PSEN1: variants seen among roughly 807,000 people sequenced by gnomAD.
PSEN1 encodes presenilin 1.
Under a neutral mutation model 53.5 loss-of-function variants are expected in PSEN1, and 15 were observed. The observed-to-expected ratio is 0.28, with a 90% CI of 0.19 to 0.43. The LOEUF (loss-of-function observed/expected upper bound fraction) is 0.43. Among genes scored for constraint, PSEN1 ranks in the 20% least tolerant of loss-of-function variants. PSEN1 has a pLI of 1.00. For missense variants in PSEN1, 387 were observed against 571.2 expected, an observed-to-expected ratio of 0.68 and a Z score of 3.29; for synonymous variants, 208 against 209.8, an observed-to-expected ratio of 0.99 and a Z score of 0.08.
chr14:73,200,472 G>C (rs935940949), intron 8 of PSEN1, among the ~76,000 whole-genome samples: 3 of 152,076 alleles, frequency 2.0e-5, no homozygotes, highest in Non-Finnish European at 2.9e-5. Context: ...ATTTCACCAC[G>C]TTGGCCAGGC....
chr14:73,215,707 A>G (rs1899885580), intron 10 of PSEN1, among the ~76,000 whole-genome samples: 1 of 152,176 alleles, frequency 6.6e-6, no homozygotes, highest in African/African-American at 2.4e-5. Context: ...TAGACATTCT[A>G]CCAAAAGAGA....
chr14:73,163,233 T>C (rs1897610150), intron 3 of PSEN1, among the ~76,000 whole-genome samples: 1 of 152,224 alleles, frequency 6.6e-6, no homozygotes, highest in East Asian at 1.9e-4. Context: ...ACCTACATGG[T>C]GCTTCATTTT....
rs549059248 is a variant in PSEN1 at position 73,196,802 on chromosome 14, A to G, written c.770-1229A>G. On this transcript the variant is annotated intron_variant, in intron 7 of 11. Transcript: ENST00000324501. ...ACATGAAATTTTTAAATGTAAATGC[A>G]TTTAAGTGACAATAATGTGAATACA... Among the ~76,000 whole-genome samples the G allele has an allele frequency of 9.9e-5, 15 of 152,202 alleles. No homozygotes were observed. In the South Asian group the frequency reaches 3.1e-3, roughly 32 times the overall value.
At chr14:73,205,394 G>A (rs943763949) in intron 8 of PSEN1, among the ~76,000 whole-genome samples, 1 of 151,398 alleles carries the variant, frequency 6.6e-6, no homozygotes, top group Non-Finnish European at 1.5e-5. Flanking sequence ...CAGGAGAATG[G>A]CGTGAACCCA....
intron 11 of PSEN1, 79 bp downstream of exon 11, chr14:73,217,323 G>C (rs774025917): frequency 6.5e-7 from 1 of 1,541,680 alleles, no homozygotes; most frequent in African/African-American, 1.4e-5. Context: ...AGGCAGTTCT[G>C]TTTTAACCCC....
intron 3 of PSEN1, among the ~76,000 whole-genome samples, chr14:73,152,759 T>C (rs995548728): frequency 6.6e-6 from 1 of 150,932 alleles, no homozygotes; most frequent in African/African-American, 2.4e-5. Flanking sequence ...AAAAGAAATA[T>C]TCGCTGGGCA....
At chr14:73,146,772 GA>G in intron 1 of PSEN1, among the ~76,000 whole-genome samples, 2 of 152,318 alleles carry the variant, frequency 1.3e-5, no homozygotes. Context: ...AGGACATTGA[GA>G]AAATTTTTTT....
intron 5 of PSEN1, among the ~76,000 whole-genome samples, chr14:73,183,563 A>G (rs947179990): frequency 2.5e-4 from 38 of 152,322 alleles, no homozygotes; most frequent in African/African-American, 8.7e-4. Context: ...CCCTTAATCC[A>G]TTCAACCCTG....
intron 7 of PSEN1, chr14:73,197,635 C>A: frequency 5.0e-6 from 1 of 200,128 alleles, no homozygotes; most frequent in Non-Finnish European, 1.0e-5. Flanking sequence ...AGTTCATATC[C>A]GTGATTAGTT....
chr14:73,197,951 C>T (rs933685375), intron 7 of PSEN1, 80 bp from the exon 8 acceptor site: 11 of 757,426 alleles, frequency 1.5e-5, no homozygotes, highest in Admixed American at 8.4e-5. Flanking sequence ...TTTTTTCCTT[C>T]GTTAATTCCT....
intron 3 of PSEN1, among the ~76,000 whole-genome samples, chr14:73,153,736 G>A (rs1016138639): frequency 2.5e-4 from 33 of 134,004 alleles, no homozygotes; most frequent in African/African-American, 8.5e-4. Context: ...TTTTTGAAAC[G>A]GAGCCTCCCT....
chr14:73,138,319 C>T (rs898129402), intron 1 of PSEN1, among the ~76,000 whole-genome samples: 5 of 151,486 alleles, frequency 3.3e-5, no homozygotes, highest in African/African-American at 7.3e-5. Flanking sequence ...CCCGGGTTCA[C>T]GCCATTCTCC....
rs199680675 is a variant in PSEN1, at chr14:73,136,528, C to T, written c.-191C>T. On this transcript the variant is annotated 5_prime_UTR_variant, in exon 1 of 12. Transcript: ENST00000324501. ...CATCGGAAACAAAACAGCGGCTGGT[C>T]TGGAAGGAACCTGAGCTACGAGCCG... 81 of 153,250 alleles carry T rather than the reference C, an allele frequency of 5.3e-4. No individual in the cohort carries two copies. Among genetic ancestry groups the T allele is most frequent in the Non-Finnish European group, 1.1e-3 (76 of 68,504 alleles). 9.5% of individuals were successfully genotyped at this position (153,250 alleles called of 1,614,324 possible).
At chr14:73,217,351 C>T in intron 11 of PSEN1, 107 bp downstream of exon 11, 1 of 1,320,094 alleles carries the variant, frequency 7.6e-7, no homozygotes, top group South Asian at 1.2e-5. Flanking sequence ...TTAAATATTC[C>T]AGCTATCTGA....
chr14:73,168,942 T>C (rs1897804322), intron 3 of PSEN1: 1 of 152,334 alleles, frequency 6.6e-6, no homozygotes, highest in Non-Finnish European at 1.5e-5. Context: ...GGTTCCCGCA[T>C]TCGTTTGCTC....
intron 10 of PSEN1, among the ~76,000 whole-genome samples, chr14:73,213,920 G>C (rs780743099): frequency 6.6e-5 from 10 of 152,150 alleles, no homozygotes; most frequent in Non-Finnish European, 1.3e-4. Flanking sequence ...TAGTGATTTT[G>C]GAAAACAGTT....
intron 3 of PSEN1, among the ~76,000 whole-genome samples, chr14:73,158,708 C>T (rs570864982): frequency 2.6e-5 from 4 of 152,128 alleles, no homozygotes; most frequent in Non-Finnish European, 5.9e-5. Context: ...GTGATCCTCC[C>T]GCCTTGGCTT....
chr14:73,138,637 C>A, intron 1 of PSEN1, among the ~76,000 whole-genome samples: 1 of 151,958 alleles, frequency 6.6e-6, no homozygotes, highest in Non-Finnish European at 1.5e-5. Context: ...CAGGCACAAG[C>A]CACTGTGCCT....
Position 73,198,259 on chromosome 14 carries a change from C to A in PSEN1, c.868+130C>A. ...ATGCACAGCATTCCTGGAACTCCTG[C>A]AGATCTCTTTGTTTCCTTGCAAGCA... On this transcript the variant is annotated intron_variant, in intron 8 of 11. Coordinates refer to ENST00000324501, the MANE Select transcript of PSEN1 (RefSeq NM_000021.4). The A allele has an allele frequency of 7.5e-6, 5 of 668,818 alleles. No individual in the cohort carries two copies. In the South Asian group the frequency reaches 8.4e-5, roughly 11 times the overall value. 41.4% of individuals were successfully genotyped at this position (668,818 alleles called of 1,614,324 possible).
Sources: gnomAD v4.1 joint callset for allele counts (sites outside exome capture counted in the v4.1 genomes callset) on GRCh38, gnomAD v4.1.1 for gene constraint, MANE v1.5 for transcripts, NCBI Gene and HGNC (gene_info 2026-07-23, HGNC 2026-07-21) for gene names.